Variants in MYO3A observed in about 807,000 individuals in gnomAD.
The protein encoded by MYO3A is myosin IIIA, also known as myosin-IIIa.
In MYO3A, 180 loss-of-function variants were observed where a neutral mutation model predicts 192.7. That is an observed-to-expected ratio of 0.93 (90% CI 0.83 to 1.06). The LOEUF is 1.06. MYO3A is among the 50% of genes least tolerant of loss of function. The pLI, the probability that MYO3A is intolerant of heterozygous loss-of-function variation, is 0.00. For missense variants in MYO3A, 1,896 were observed against 1,905.0 expected, an observed-to-expected ratio of 1.00 and a Z score of 0.09; for synonymous variants, 628 against 645.3, an observed-to-expected ratio of 0.97 and a Z score of 0.41.
chr10:26,175,635 A>G (rs997269297), intron 30 of MYO3A, among the ~76,000 whole-genome samples: 1 of 152,172 alleles, frequency 6.6e-6, no homozygotes, highest in Non-Finnish European at 1.5e-5. Context: ...AGCTGTCAGT[A>G]GAGATCTGCC....
rs1588667648 is a variant in MYO3A, at chr10:25,963,452, T to C, written c.303+8444T>C. Among the ~76,000 whole-genome samples the C allele has an allele frequency of 2.0e-5, 3 of 152,338 alleles. 1 individual carries two copies. The highest frequency in any genetic ancestry group is 3.9e-4 in the East Asian group (2 of 5,190). Reference sequence around the variant, plus strand: ...GAATGAATGTGAGCTTTCTGTTTGTTCAGCTATTAACCCTTTAATGCTACT... The same window carrying C: ...GAATGAATGTGAGCTTTCTGTTTGTCCAGCTATTAACCCTTTAATGCTACT... On this transcript the variant is annotated intron_variant, in intron 4 of 34. Transcript: ENST00000642920.
chr10:26,139,730 C>G (rs962781731), intron 20 of MYO3A, among the ~76,000 whole-genome samples: 1 of 151,926 alleles, frequency 6.6e-6, no homozygotes, highest in African/African-American at 2.4e-5. Context: ...GGGCAAGACC[C>G]AACTCTACTA....
At chr10:26,113,026 T>C (rs959971979) in intron 17 of MYO3A, among the ~76,000 whole-genome samples, 3 of 152,246 alleles carry the variant, frequency 2.0e-5, no homozygotes, top group African/African-American at 7.2e-5. Context: ...TCATTTCTTA[T>C]GATAGTCTAA....
At chr10:25,939,235 A>G (rs1028952479) in intron 2 of MYO3A, among the ~76,000 whole-genome samples, 5 of 151,650 alleles carry the variant, frequency 3.3e-5, no homozygotes, top group Non-Finnish European at 7.4e-5. Flanking sequence ...GCACATCTCT[A>G]CCTTCTTTCT....
At chr10:26,112,124 A>G (rs1477133597) in intron 17 of MYO3A, among the ~76,000 whole-genome samples, 1 of 152,252 alleles carries the variant, frequency 6.6e-6, no homozygotes, top group Non-Finnish European at 1.5e-5. Flanking sequence ...TTTTGCAGCT[A>G]GCATCTATTG....
rs145958403 is a variant in MYO3A at position 25,942,040 on chromosome 10, C to T, written c.-18+6210C>T. Among the ~76,000 whole-genome samples the T allele has an allele frequency of 2.0e-3, 294 of 147,966 alleles. 1 individual carries two copies. Among genetic ancestry groups the T allele is most frequent in the Admixed American group, 4.1e-3 (61 of 14,706 alleles). On this transcript the variant is annotated intron_variant, in intron 2 of 34. Coordinates refer to ENST00000642920, the MANE Select transcript of MYO3A (RefSeq NM_017433.5). ...TTTTTTAGATGGAGTCTCTCTCTGTCGCACAGGCTGTAATGCAGTGGCATG... is the reference window on the plus strand; with the variant it reads ...TTTTTTAGATGGAGTCTCTCTCTGTTGCACAGGCTGTAATGCAGTGGCATG...
intron 17 of MYO3A, among the ~76,000 whole-genome samples, chr10:26,113,256 A>T (rs757001781): frequency 6.6e-5 from 10 of 152,078 alleles, no homozygotes; most frequent in Non-Finnish European, 1.5e-4. Context: ...GGATTGCCTG[A>T]GCTCAGGAGT....
At chr10:25,956,373 C>G (rs1381107026) in intron 4 of MYO3A, among the ~76,000 whole-genome samples, 1 of 151,230 alleles carries the variant, frequency 6.6e-6, no homozygotes, top group Non-Finnish European at 1.5e-5. Flanking sequence ...CTTTGTTGCC[C>G]AGGCTGGAGT....
rs530227575 is a variant in MYO3A, at chr10:26,048,765, A to G, written c.954-18210A>G. Among the ~76,000 whole-genome samples the G allele has an allele frequency of 3.9e-5, 6 of 152,336 alleles. No individual in the cohort carries two copies. The East Asian group carries it at 1.2e-3, about 29-fold the overall frequency. On this transcript the variant is annotated intron_variant, in intron 10 of 34. Coordinates refer to ENST00000642920, the MANE Select transcript of MYO3A (RefSeq NM_017433.5). ...ATCAAAGTAGAGTTATCAAGAAGGC[A>G]GTTGGATATAGTAGTCTGGACTTCA... is the stretch of plus-strand genomic sequence containing the variant.
At chr10:26,063,898 T>C (rs1406216219) in intron 10 of MYO3A, among the ~76,000 whole-genome samples, 1 of 152,204 alleles carries the variant, frequency 6.6e-6, no homozygotes. Flanking sequence ...TGGAAGGCCT[T>C]GAATGAGTTT....
chr10:26,139,987 C>T lies in MYO3A; in HGVS notation c.2263-3461C>T, dbSNP rs375426400. Among the ~76,000 whole-genome samples, 3 of 152,198 alleles carry T rather than the reference C, an allele frequency of 2.0e-5. No individual in the cohort carries two copies. In the East Asian group the frequency reaches 5.8e-4, roughly 29 times the overall value. On this transcript the variant is annotated intron_variant, in intron 20 of 34. Coordinates refer to ENST00000642920, the MANE Select transcript of MYO3A (RefSeq NM_017433.5). ...AGATGTAATAGAAAATACAGAAAAG[C>T]TTGATGCACAAAGCAGTACCCCAGA...
chr10:26,183,320 C>T (rs907716022), intron 31 of MYO3A, among the ~76,000 whole-genome samples: 1 of 152,108 alleles, frequency 6.6e-6, no homozygotes, highest in African/African-American at 2.4e-5. Context: ...GTCAGGAGAT[C>T]GAGACCATCC....
At chr10:26,129,888 T>C (rs1311381103) in intron 20 of MYO3A, among the ~76,000 whole-genome samples, 1 of 152,106 alleles carries the variant, frequency 6.6e-6, no homozygotes, top group East Asian at 1.9e-4. Flanking sequence ...AAGTAAAAAA[T>C]TTTTGGTTTG....
At chr10:26,179,161 C>T (rs1285229825) in intron 31 of MYO3A, among the ~76,000 whole-genome samples, 4 of 124,360 alleles carry the variant, frequency 3.2e-5, no homozygotes, top group East Asian at 2.6e-4. Flanking sequence ...TGCAATGGCG[C>T]GATCTCAGCT....
intron 20 of MYO3A, among the ~76,000 whole-genome samples, chr10:26,133,012 A>G (rs866731580): frequency 1.2e-4 from 19 of 152,340 alleles, no homozygotes; most frequent in South Asian, 1.0e-3. Context: ...AACTTTTTAC[A>G]TTATAAAGTA....
chr10:26,042,129 C>A (rs72793957), intron 10 of MYO3A, among the ~76,000 whole-genome samples: 24,725 of 152,038 alleles, frequency 0.16, 2,305 homozygotes, highest in Non-Finnish European at 0.21. Flanking sequence ...CAGCACTTTA[C>A]ATATGTCATG....
intron 5 of MYO3A, among the ~76,000 whole-genome samples, chr10:25,996,856 TA>T (rs1484872365): frequency 6.6e-6 from 1 of 152,184 alleles, no homozygotes; most frequent in African/African-American, 2.4e-5. Context: ...AGAAAACTAA[TA>T]ATAGGGTTTT....
At chr10:26,158,944 A>G (rs547645028) in intron 26 of MYO3A, among the ~76,000 whole-genome samples, 1 of 151,998 alleles carries the variant, frequency 6.6e-6, no homozygotes, top group South Asian at 2.1e-4. Flanking sequence ...TTTATTAGCC[A>G]TTCTTTTACT....
intron 14 of MYO3A, among the ~76,000 whole-genome samples, chr10:26,087,839 G>C (rs1025668844): frequency 1.3e-5 from 2 of 152,212 alleles, no homozygotes. Context: ...CCAGTAAAGT[G>C]GTTCTGGCTT....
Sources: allele counts gnomAD v4.1 joint callset (sites outside exome capture counted in the v4.1 genomes callset), GRCh38; gene constraint gnomAD v4.1.1; transcripts MANE v1.5; gene names NCBI Gene and HGNC (gene_info 2026-07-23, HGNC 2026-07-21).